COL6A6: variants seen among roughly 807,000 people sequenced by gnomAD.
COL6A6 encodes the protein collagen type VI alpha 6 chain, also known as collagen alpha-6(VI) chain.
COL6A6 carries 183 observed loss-of-function variants against 208.6 expected under a neutral mutation model. The ratio of observed to expected loss-of-function variants is 0.88; its 90% CI spans 0.78 to 0.99. The LOEUF (loss-of-function observed/expected upper bound fraction) is 0.99. Among genes scored for constraint, COL6A6 ranks in the 50% least tolerant of loss-of-function variants. COL6A6 has a pLI of 0.00. For missense variants in COL6A6, 2,816 were observed against 2,815.2 expected (o/e 1.00, Z -0.01); for synonymous variants, 973 against 1,011.8 (o/e 0.96, Z 0.73).
chr3:130,615,156 A>G (rs1409273722), intron 23 of COL6A6, among the ~76,000 whole-genome samples: 1 of 152,130 alleles, frequency 6.6e-6, no homozygotes, highest in South Asian at 2.1e-4. Flanking sequence ...TATTAGTTTC[A>G]AAGAATTTCT....
At chr3:130,543,008 G>A (rs2062408557) in intron 1 of COL6A6, among the ~76,000 whole-genome samples, 1 of 148,868 alleles carries the variant, frequency 6.7e-6, no homozygotes, top group Admixed American at 6.8e-5. Context: ...CGGGTTCAAG[G>A]GATTCTTCTG....
chr3:130,524,514 T>A (rs990385480), intron 1 of COL6A6, among the ~76,000 whole-genome samples: 33 of 152,188 alleles, frequency 2.2e-4, no homozygotes, highest in African/African-American at 7.7e-4. Flanking sequence ...GTTAATGGTG[T>A]TGTCTATGTT....
intron 1 of COL6A6, among the ~76,000 whole-genome samples, chr3:130,540,812 C>T (rs2062345306): frequency 6.6e-6 from 1 of 152,144 alleles, no homozygotes; most frequent in Non-Finnish European, 1.5e-5. Context: ...CCAGCTTCAT[C>T]CATTTCCCTG....
At chr3:130,615,051 G>A (rs1170423445) in intron 23 of COL6A6, among the ~76,000 whole-genome samples, 1 of 151,474 alleles carries the variant, frequency 6.6e-6, no homozygotes, top group Non-Finnish European at 1.5e-5. Flanking sequence ...GCTAGCTTTG[G>A]GGTTGGTTTT....
rs1273624910 is a variant in COL6A6, at chr3:130,627,306, G to A, written c.4942-13G>A. ...TAGTCTGGGATGTTGGTAATCAATT[G>A]CTCTGTTTACAGGGCAATGATGGCA... On this transcript the variant is annotated splice_polypyrimidine_tract_variant and intron_variant, in intron 25 of 36. Coordinates refer to ENST00000358511, the MANE Select transcript of COL6A6 (RefSeq NM_001102608.3). 6.2e-7 allele frequency: 1 copy of A among 1,612,264 alleles called. No homozygotes were observed. Among genetic ancestry groups the A allele is most frequent in the East Asian group, 2.2e-5 (1 of 44,868 alleles).
chr3:130,657,932 T>C (rs1172460126), intron 33 of COL6A6, among the ~76,000 whole-genome samples: 3 of 152,206 alleles, frequency 2.0e-5, no homozygotes, highest in Admixed American at 2.0e-4. Flanking sequence ...ATCAATGATC[T>C]CTGGGTCAAT....
At chr3:130,558,056 T>A (rs2062805640) in intron 1 of COL6A6, among the ~76,000 whole-genome samples, 1 of 152,256 alleles carries the variant, frequency 6.6e-6, no homozygotes, top group African/African-American at 2.4e-5. Context: ...TTAATCTCAC[T>A]GTTAAGATAG....
At chr3:130,580,936 G>C (rs539018662) in intron 8 of COL6A6, among the ~76,000 whole-genome samples, 1 of 152,020 alleles carries the variant, frequency 6.6e-6, no homozygotes, top group East Asian at 1.9e-4. Flanking sequence ...GAATAATTTG[G>C]TTATCAGTTT....
chr3:130,567,269 G>A lies in COL6A6; in HGVS notation c.1843+7G>A. ...GAAATCTGTACTGAAGAAGGTAAGA[G>A]AAATCGTGGCTTTACCTACTGACCT... On this transcript the variant is annotated splice_region_variant and intron_variant, in intron 5 of 36. Transcript: ENST00000358511. The A allele has an allele frequency of 3.8e-6, 6 of 1,588,862 alleles. No individual in the cohort carries two copies. Among genetic ancestry groups the A allele is most frequent in the Non-Finnish European group, 5.2e-6 (6 of 1,164,870 alleles).
intron 34 of COL6A6, among the ~76,000 whole-genome samples, chr3:130,659,738 T>C (rs1357667022): frequency 6.6e-6 from 1 of 152,134 alleles, no homozygotes; most frequent in Non-Finnish European, 1.5e-5. Flanking sequence ...TCCCTAAACC[T>C]CTCCATTTGA....
intron 1 of COL6A6, among the ~76,000 whole-genome samples, chr3:130,519,826 G>A (rs777030797): frequency 2.6e-5 from 4 of 152,134 alleles, no homozygotes; most frequent in African/African-American, 9.7e-5. Flanking sequence ...ATTAGATCAG[G>A]CAAATAGAAT....
At chr3:130,554,476 G>T (rs2062721796) in intron 1 of COL6A6, among the ~76,000 whole-genome samples, 1 of 152,198 alleles carries the variant, frequency 6.6e-6, no homozygotes. Flanking sequence ...GGGTGCTGGT[G>T]GGCACGAGGC....
chr3:130,563,537 C>T lies in COL6A6; in HGVS notation c.534C>T (p.Ala178=). 6.2e-7 allele frequency: 1 copy of T among 1,613,926 alleles called. No individual in the cohort carries two copies. The highest frequency in any genetic ancestry group is 8.5e-7 in the Non-Finnish European group (1 of 1,179,874). The change falls in exon 3 of 37, where the codon GCC becomes GCT. Residue 178 remains alanine, a synonymous_variant. Transcript: ENST00000358511. ...KASEENLKAM[A]TSQFHFNLRT... ...CTGAGGAAAACCTGAAGGCCATGGC[C>T]ACGTCTCAGTTTCATTTCAACCTTC...
chr3:130,516,810 A>C (rs911115478), upstream of COL6A6, among the ~76,000 whole-genome samples: 1 of 152,150 alleles, frequency 6.6e-6, no homozygotes, highest in African/African-American at 2.4e-5. Flanking sequence ...AAGACCCCAG[A>C]ATACAGGCAA....
At chr3:130,554,427 G>A (rs1411623909) in intron 1 of COL6A6, among the ~76,000 whole-genome samples, 1 of 152,162 alleles carries the variant, frequency 6.6e-6, no homozygotes, top group Non-Finnish European at 1.5e-5. Flanking sequence ...TGGTGTTTCT[G>A]TACACGTTCA....
chr3:130,634,210 A>T (rs192959288), intron 26 of COL6A6, among the ~76,000 whole-genome samples: 1,544 of 50,244 alleles, frequency 0.031, 94 homozygotes, highest in Middle Eastern at 0.062. Flanking sequence ...GTTAAAAAAA[A>T]AAATAAATAA....
At chr3:130,641,757 A>G in intron 29 of COL6A6, 43 bp downstream of exon 29, 1 of 334,272 alleles carries the variant, frequency 3.0e-6, no homozygotes, top group Non-Finnish European at 4.7e-6. Context: ...CTTTTCCATT[A>G]AAAAAAAAAA....
chr3:130,662,760 G>A (rs1451464210), intron 35 of COL6A6, among the ~76,000 whole-genome samples: 2 of 152,158 alleles, frequency 1.3e-5, no homozygotes, highest in Non-Finnish European at 1.5e-5. Context: ...AAGTTCCTGA[G>A]GCAGAGTTTG....
chr3:130,547,617 A>G lies in COL6A6; in HGVS notation c.-31-12717A>G, dbSNP rs890362324. Among the ~76,000 whole-genome samples, 7 of 152,342 alleles carry G rather than the reference A, an allele frequency of 4.6e-5. 1 individual carries two copies. In the Middle Eastern group the frequency reaches 0.017, roughly 370 times the overall value. On this transcript the variant is annotated intron_variant, in intron 1 of 36. Coordinates refer to ENST00000358511, the MANE Select transcript of COL6A6 (RefSeq NM_001102608.3). ...GGCCGCCAGCATGTTGTCACCTCTCAATGTGTCTGGCCTGCCCATAAGCTC... is the reference window on the plus strand; with the variant it reads ...GGCCGCCAGCATGTTGTCACCTCTCGATGTGTCTGGCCTGCCCATAAGCTC...
Sources: gnomAD v4.1 joint callset for allele counts (sites outside exome capture counted in the v4.1 genomes callset) on GRCh38, gnomAD v4.1.1 for gene constraint, MANE v1.5 for transcripts, NCBI Gene and HGNC (gene_info 2026-07-23, HGNC 2026-07-21) for gene names.